The following CACNA1A variants were observed in gnomAD, a reference collection of about 807,000 sequenced individuals.
The protein encoded by CACNA1A is voltage-dependent P/Q-type calcium channel subunit alpha-1A.
Under a neutral mutation model 262.4 loss-of-function variants are expected in CACNA1A, and 57 were observed. That is an observed-to-expected ratio of 0.22 (90% CI 0.18 to 0.27). CACNA1A has a LOEUF of 0.27. Among genes scored for constraint, CACNA1A ranks in the 10% least tolerant of loss-of-function variants. The pLI, the probability that CACNA1A is intolerant of heterozygous loss-of-function variation, is 1.00. For missense variants in CACNA1A, 2,526 were observed against 3,562.8 expected (o/e 0.71, Z 7.41); for synonymous variants, 1,431 against 1,419.3 (o/e 1.01, Z -0.18).
intron 19 of CACNA1A, among the ~76,000 whole-genome samples, chr19:13,296,336 A>G (rs1381877936): frequency 6.6e-6 from 1 of 152,192 alleles, no homozygotes; most frequent in Non-Finnish European, 1.5e-5. Context: ...AATCAATATT[A>G]TGCCCTGATG....
At position 13,361,005 on chromosome 19, in the gene CACNA1A, G is replaced by T. The variant is rs1190175390; in HGVS notation, c.785-1206C>A. Among the ~76,000 whole-genome samples the T allele has an allele frequency of 3.3e-5, 5 of 152,232 alleles. No individual in the cohort carries two copies. In the South Asian group the frequency reaches 1.0e-3, roughly 32 times the overall value. On this transcript the variant is annotated intron_variant, in intron 5 of 46. Coordinates refer to ENST00000360228, the MANE Select transcript of CACNA1A (RefSeq NM_001127222.2). ...TATAGTCAGTTTTAGTAAATGTGCC[G>T]TGTGCATGGTGTAGCTGGTAAGTGC...
chr19:13,464,771 A>G (rs1488131797), intron 1 of CACNA1A, among the ~76,000 whole-genome samples: 3 of 151,310 alleles, frequency 2.0e-5, no homozygotes, highest in East Asian at 2.0e-4. Flanking sequence ...GGTGGTCTCG[A>G]TCTCCTGACC....
chr19:13,279,036 C>T (rs903919874), intron 22 of CACNA1A, among the ~76,000 whole-genome samples: 1 of 152,098 alleles, frequency 6.6e-6, no homozygotes, highest in African/African-American at 2.4e-5. Flanking sequence ...CAGGGACCAT[C>T]TCATACCCTG....
At chr19:13,492,196 A>G (rs1980970341) in intron 1 of CACNA1A, among the ~76,000 whole-genome samples, 1 of 152,180 alleles carries the variant, frequency 6.6e-6, no homozygotes, top group South Asian at 2.1e-4. Flanking sequence ...CAGAGCCATG[A>G]CATGCCTCAA....
intron 3 of CACNA1A, among the ~76,000 whole-genome samples, chr19:13,396,114 C>T (rs1047799847): frequency 3.9e-5 from 6 of 152,182 alleles, no homozygotes; most frequent in Non-Finnish European, 5.9e-5. Context: ...AATTAATATG[C>T]CTTGTGAGTT....
intron 3 of CACNA1A, among the ~76,000 whole-genome samples, chr19:13,445,140 C>CA (rs146865083): frequency 0.14 from 14,886 of 103,932 alleles, 933 homozygotes; most frequent in African/African-American, 0.22. Context: ...AACTCCGTCT[C>CA]AAAAAAAAAA....
Position 13,286,756 on chromosome 19 carries a change from G to A in CACNA1A, c.3300C>T (p.Ser1100=). Residue 1100 remains serine (S), a synonymous_variant, in exon 20 of 47, where the codon AGC becomes AGT. Coordinates refer to ENST00000360228, the MANE Select transcript of CACNA1A (RefSeq NM_001127222.2). ...TGGCCAGCATGGGGCCGGGGTCGGT[G>A]CTGTTTCCCATCTTGGCTGGGCTCT... ...LPQSPAKMGN[S]TDPGPMLAIP... 6.2e-7 allele frequency: 1 copy of A among 1,610,404 alleles called. No homozygotes were observed. Among genetic ancestry groups the A allele is most frequent in the Non-Finnish European group, 8.5e-7 (1 of 1,178,712 alleles).
intron 36 of CACNA1A, chr19:13,228,611 T>C: frequency 3.5e-6 from 1 of 285,184 alleles, no homozygotes; most frequent in East Asian, 7.5e-5. Flanking sequence ...GAGAGATATA[T>C]ATATATATAT....
chr19:13,312,815 T>A, intron 11 of CACNA1A, 34 bp from the exon 12 acceptor site: 1 of 1,089,394 alleles, frequency 9.2e-7, no homozygotes, highest in Non-Finnish European at 1.3e-6. Context: ...GAGAGGAGGT[T>A]AGGCTTGCTG....
At chr19:13,500,601 A>G (rs1982263509) in intron 1 of CACNA1A, among the ~76,000 whole-genome samples, 1 of 152,234 alleles carries the variant, frequency 6.6e-6, no homozygotes, top group African/African-American at 2.4e-5. Context: ...GTAAAATGGT[A>G]CAACCACTTA....
At chr19:13,334,760 C>A (rs2145135238) in intron 7 of CACNA1A, among the ~76,000 whole-genome samples, 1 of 152,124 alleles carries the variant, frequency 6.6e-6, no homozygotes, top group Admixed American at 6.6e-5. Context: ...AAAGGCCAGG[C>A]ACAGTGGCTC....
intron 3 of CACNA1A, among the ~76,000 whole-genome samples, chr19:13,429,453 T>G (rs2060465845): frequency 6.6e-6 from 1 of 150,528 alleles, no homozygotes; most frequent in African/African-American, 2.4e-5. Flanking sequence ...TCCCGGGGTG[T>G]TTTTAAAAAA....
chr19:13,212,740 C>T lies in CACNA1A; in HGVS notation c.5941G>A (p.Asp1981Asn). 3 of 1,490,196 alleles carry T rather than the reference C, an allele frequency of 2.0e-6. No individual in the cohort carries two copies. Among genetic ancestry groups the T allele is most frequent in the South Asian group, 1.4e-5 (1 of 71,962 alleles). 92.3% of individuals were successfully genotyped at this position (1,490,196 alleles called of 1,614,324 possible). Residue 1981 changes from aspartate to asparagine, a missense_variant and splice_region_variant, in exon 41 of 47, where the codon GAC becomes AAC. Physicochemically the swap from Asp to Asn is conservative, Grantham distance 23. Around this residue, in one of 17 missense-constraint regions of CACNA1A, gnomAD observed 929 missense variants for 868.1 expected, o/e 1.07. Coordinates refer to ENST00000360228, the MANE Select transcript of CACNA1A (RefSeq NM_001127222.2). This position sits in a 1 kb window ranked among gnomAD's most constrained non-coding sequence, Gnocchi z 5.6. ...CGCTGGAACATGAGGGGTGTCCGGT[C>T]CTGGGGAATGGGGCAGAGAGCAGTG... ...KKLQAMREEQ[D>N]RTPLMFQRME... is the part of the protein sequence containing the mutation.
chr19:13,377,395 G>C lies in CACNA1A; in HGVS notation c.540-5616C>G, dbSNP rs1329814698. On this transcript the variant is annotated intron_variant, in intron 3 of 46. Coordinates refer to ENST00000360228, the MANE Select transcript of CACNA1A (RefSeq NM_001127222.2). ...AACATTTTTTTTTTTTTTTGAGACA[G>C]AGTCTCACTCTGTCGCTGCAGTGGT... is the stretch of plus-strand genomic sequence containing the variant. 2.0e-5 allele frequency among the ~76,000 whole-genome samples: 3 copies of C among 148,016 alleles called. No individual in the cohort carries two copies. In the South Asian group the frequency reaches 6.4e-4, roughly 32 times the overall value.
intron 6 of CACNA1A, among the ~76,000 whole-genome samples, chr19:13,344,511 G>T (rs12608866): frequency 0.078 from 11,875 of 152,084 alleles, 800 homozygotes; most frequent in Admixed American, 0.18. Flanking sequence ...CTGCAGCTCA[G>T]CCAGACATCT....
In CACNA1A at chr19:13,241,868, A is replaced by G. The variant is rs760175903; in HGVS notation, c.4950+3314T>C. 2.0e-5 allele frequency among the ~76,000 whole-genome samples: 3 copies of G among 152,164 alleles called. No homozygotes were observed. Among genetic ancestry groups the G allele is most frequent in the Admixed American group, 1.3e-4 (2 of 15,278 alleles). On this transcript the variant is annotated intron_variant, in intron 31 of 46. Coordinates refer to ENST00000360228, the MANE Select transcript of CACNA1A (RefSeq NM_001127222.2). The surrounding 1 kb of genome is among the most constrained non-coding windows in gnomAD (Gnocchi z 4.0). ...TCCATTGCACACAGGGCAAACCCAC[A>G]TCACCCCAGCCACTTGGGGGCAGCA...
chr19:13,359,923 T>C, intron 5 of CACNA1A, 124 bp from the exon 6 acceptor site: 2 of 510,186 alleles, frequency 3.9e-6, no homozygotes, highest in Non-Finnish European at 6.6e-6. Flanking sequence ...GTGATCAGTC[T>C]TCAAAGAGAT....
chr19:13,266,689 T>C (rs1283459115), intron 24 of CACNA1A, among the ~76,000 whole-genome samples: 1 of 152,348 alleles, frequency 6.6e-6, no homozygotes, highest in East Asian at 1.9e-4. Flanking sequence ...TTCTCCTGCC[T>C]CAGCTTCCTA....
At chr19:13,242,455 C>A (rs1451437357) in intron 31 of CACNA1A, among the ~76,000 whole-genome samples, 1 of 152,050 alleles carries the variant, frequency 6.6e-6, no homozygotes, top group African/African-American at 2.4e-5. Flanking sequence ...GCCACCGTGC[C>A]CGGCTAATTT....
Sources: gnomAD v4.1 joint callset for allele counts (sites outside exome capture counted in the v4.1 genomes callset) on GRCh38, gnomAD v4.1.1 for gene constraint, gnomAD v4.1.1 regional missense constraint, Gnocchi (gnomAD v3.1) non-coding constraint, MANE v1.5 for transcripts, NCBI Gene and HGNC (gene_info 2026-07-23, HGNC 2026-07-21) for gene names.